Variants in KCNH7 observed in about 807,000 individuals in gnomAD.
KCNH7 encodes the protein voltage-gated inwardly rectifying potassium channel KCNH7.
In KCNH7, 49 loss-of-function variants were observed where a neutral mutation model predicts 120.8. The observed-to-expected ratio is 0.41, with a 90% CI of 0.32 to 0.51. The LOEUF is 0.51. Among genes scored for constraint, KCNH7 ranks in the 20% least tolerant of loss-of-function variants. The pLI is 0.38. For missense variants in KCNH7, 1,097 were observed against 1,446.6 expected, an observed-to-expected ratio of 0.76 and a Z score of 3.92; for synonymous variants, 547 against 516.1, an observed-to-expected ratio of 1.06 and a Z score of -0.81.
At chr2:162,485,847 CCAGT>C (rs1469470554) in intron 6 of KCNH7, among the ~76,000 whole-genome samples, 1 of 152,186 alleles carries the variant, frequency 6.6e-6, no homozygotes, top group African/African-American at 2.4e-5. Context: ...CTGACAGCTG[CCAGT>C]CAACCAGGAA....
At chr2:162,672,375 C>T (rs980582898) in intron 2 of KCNH7, among the ~76,000 whole-genome samples, 1 of 151,922 alleles carries the variant, frequency 6.6e-6, no homozygotes, top group East Asian at 1.9e-4. Flanking sequence ...TGATCAAATA[C>T]TTGAAAATTT....
intron 12 of KCNH7, 59 bp from the exon 13 acceptor site, chr2:162,384,998 G>C: frequency 7.3e-7 from 1 of 1,374,654 alleles, no homozygotes; most frequent in Non-Finnish European, 1.0e-6. Flanking sequence ...ATGTGAGACG[G>C]TATGCATATT....
At chr2:162,737,787 G>A (rs558850373) in intron 2 of KCNH7, among the ~76,000 whole-genome samples, 1 of 152,224 alleles carries the variant, frequency 6.6e-6, no homozygotes, top group South Asian at 2.1e-4. Flanking sequence ...GTGAAAGGCT[G>A]GGTGTGGTAG....
At chr2:162,434,099 G>A (rs1688160630) in intron 8 of KCNH7, among the ~76,000 whole-genome samples, 1 of 152,032 alleles carries the variant, frequency 6.6e-6, no homozygotes, top group East Asian at 1.9e-4. Flanking sequence ...GGCAGCTGGA[G>A]GCCATTATCC....
At chr2:162,642,642 T>C (rs1684204452) in intron 2 of KCNH7, among the ~76,000 whole-genome samples, 2 of 152,198 alleles carry the variant, frequency 1.3e-5, no homozygotes, top group African/African-American at 4.8e-5. Flanking sequence ...CTTTCATTTA[T>C]ATCACACTGT....
At chr2:162,801,206 A>C (rs1684334535) in intron 2 of KCNH7, among the ~76,000 whole-genome samples, 1 of 151,774 alleles carries the variant, frequency 6.6e-6, no homozygotes, top group Non-Finnish European at 1.5e-5. Context: ...CTAAAAAATA[A>C]ATAATAATGG....
intron 8 of KCNH7, among the ~76,000 whole-genome samples, chr2:162,429,408 TCACAC>T (rs1687991137): frequency 1.6e-5 from 2 of 122,044 alleles, no homozygotes; most frequent in African/African-American, 5.5e-5. Flanking sequence ...TTTTTTTTAC[TCACAC>T]ATTTACCACT....
chr2:162,608,826 A>T (rs917930511), intron 2 of KCNH7, among the ~76,000 whole-genome samples: 1 of 152,132 alleles, frequency 6.6e-6, no homozygotes, highest in African/African-American at 2.4e-5. Context: ...CTATGGCATC[A>T]CTTGAACTGT....
chr2:162,718,049 T>TC (rs145165324), intron 2 of KCNH7, among the ~76,000 whole-genome samples: 4 of 144,456 alleles, frequency 2.8e-5, no homozygotes, highest in Admixed American at 6.8e-5. Context: ...TCTCTCTCTC[T>TC]TTTTTTTTTC....
At chr2:162,715,474 G>T (rs181313900) in intron 2 of KCNH7, among the ~76,000 whole-genome samples, 15 of 152,268 alleles carry the variant, frequency 9.9e-5, no homozygotes, top group East Asian at 7.7e-4. Context: ...ATATCAGTTG[G>T]TATGGTGGAC....
intron 7 of KCNH7, among the ~76,000 whole-genome samples, chr2:162,445,564 A>G (rs1160994328): frequency 2.0e-5 from 3 of 152,190 alleles, no homozygotes. Flanking sequence ...CAAGCTGAAT[A>G]TTATTTAAGA....
intron 5 of KCNH7, among the ~76,000 whole-genome samples, chr2:162,509,141 T>G (rs888350396): frequency 2.6e-5 from 4 of 151,484 alleles, no homozygotes; most frequent in Admixed American, 2.6e-4. Flanking sequence ...ATACCTACAT[T>G]TAGACATGAA....
chr2:162,413,715 G>C (rs1687459908), intron 9 of KCNH7, among the ~76,000 whole-genome samples: 1 of 151,670 alleles, frequency 6.6e-6, no homozygotes, highest in South Asian at 2.1e-4. Flanking sequence ...GTTTAGTAGG[G>C]CCTTTTTAAA....
intron 5 of KCNH7, among the ~76,000 whole-genome samples, chr2:162,504,917 T>C (rs1690818149): frequency 6.6e-6 from 1 of 152,002 alleles, no homozygotes; most frequent in Non-Finnish European, 1.5e-5. Flanking sequence ...TTAGTTTCTT[T>C]CATTAAAAGC....
chr2:162,401,233 T>G (rs1687056239), intron 9 of KCNH7, among the ~76,000 whole-genome samples: 1 of 151,916 alleles, frequency 6.6e-6, no homozygotes, highest in Non-Finnish European at 1.5e-5. Flanking sequence ...CTGAATAAAA[T>G]TATTTGCTAT....
chr2:162,835,880 T>C (rs938712029), intron 2 of KCNH7, among the ~76,000 whole-genome samples: 1 of 152,172 alleles, frequency 6.6e-6, no homozygotes, highest in African/African-American at 2.4e-5. Context: ...AGATTTGCTG[T>C]AGTTATAAAA....
At chr2:162,831,945 A>C (rs10432459) in intron 2 of KCNH7, among the ~76,000 whole-genome samples, 71,832 of 151,996 alleles carry the variant, frequency 0.47, 18,971 homozygotes, top group South Asian at 0.67. Flanking sequence ...CACTTAGGAC[A>C]ATACTGAAAT....
chr2:162,482,100 G>A (rs150483834), intron 6 of KCNH7, among the ~76,000 whole-genome samples: 19 of 152,178 alleles, frequency 1.2e-4, no homozygotes, highest in African/African-American at 4.6e-4. Context: ...AAATTGTTTA[G>A]TTGTGTAAAA....
At chr2:162,509,981 T>G (rs186873476) in intron 5 of KCNH7, among the ~76,000 whole-genome samples, 1 of 151,520 alleles carries the variant, frequency 6.6e-6, no homozygotes, top group East Asian at 2.0e-4. Flanking sequence ...GTGAGGTAGA[T>G]TTTTACTGAT....
Sources: allele counts gnomAD v4.1 joint callset (sites outside exome capture counted in the v4.1 genomes callset), GRCh38; gene constraint gnomAD v4.1.1; transcripts MANE v1.5; gene names NCBI Gene and HGNC (gene_info 2026-07-23, HGNC 2026-07-21).